The following KIDINS220 variants were observed in gnomAD, a reference collection of about 807,000 sequenced individuals.
KIDINS220 encodes the protein kinase D interacting substrate 220.
A neutral mutation model predicts 157.6 loss-of-function variants in KIDINS220; 63 were observed. The ratio of observed to expected loss-of-function variants is 0.40; its 90% CI spans 0.33 to 0.49. KIDINS220 has a LOEUF of 0.49. KIDINS220 is among the 20% of genes least tolerant of loss of function. The pLI, the probability that KIDINS220 is intolerant of heterozygous loss-of-function variation, is 0.66. For synonymous variants in KIDINS220, 732 were observed against 783.6 expected, an observed-to-expected ratio of 0.93 and a Z score of 1.10; for missense variants, 1,772 against 2,171.2, an observed-to-expected ratio of 0.82 and a Z score of 3.65.
chr2:8,831,682 A>T (rs1679645803), intron 1 of KIDINS220, among the ~76,000 whole-genome samples: 1 of 152,212 alleles, frequency 6.6e-6, no homozygotes, highest in Admixed American at 6.5e-5. Context: ...AAGTTCTTGC[A>T]GCAGGATCTG....
intron 18 of KIDINS220, 111 bp from the exon 19 acceptor site, chr2:8,779,250 A>G: frequency 1.5e-6 from 2 of 1,325,890 alleles, no homozygotes; most frequent in Non-Finnish European, 2.0e-6. Flanking sequence ...CTAAACTACT[A>G]TTTCTTTTCA....
chr2:8,725,583 G>GT (rs1663231385), downstream of KIDINS220: 1 of 152,210 alleles, frequency 6.6e-6, no homozygotes, highest in African/African-American at 2.4e-5. Context: ...GAAGTCAACT[G>GT]TGAGAAGTGA....
intron 4 of KIDINS220, among the ~76,000 whole-genome samples, chr2:8,814,479 G>A (rs1676769046): frequency 6.8e-6 from 1 of 147,642 alleles, no homozygotes; most frequent in Admixed American, 6.8e-5. Context: ...ATGGATGGAT[G>A]GACAGACAGA....
At chr2:8,815,815 C>T (rs527962371) in intron 4 of KIDINS220, among the ~76,000 whole-genome samples, 4 of 152,184 alleles carry the variant, frequency 2.6e-5, no homozygotes, top group Non-Finnish European at 5.9e-5. Flanking sequence ...TTCATGAACT[C>T]TTTCTTCATT....
At chr2:8,778,567 G>A in intron 20 of KIDINS220, 72 bp downstream of exon 20, 1 of 951,702 alleles carries the variant, frequency 1.1e-6, no homozygotes, top group Non-Finnish European at 1.7e-6. Context: ...TATTATTTAA[G>A]TGGCATCATC....
intron 20 of KIDINS220, 87 bp downstream of exon 20, chr2:8,778,552 C>CAT (rs1671278370): frequency 1.1e-6 from 1 of 899,714 alleles, no homozygotes; most frequent in Admixed American, 1.8e-5. Flanking sequence ...GCAATATTTA[C>CAT]AAAGTATTAT....
chr2:8,744,387 A>T lies in KIDINS220; in HGVS notation c.3585+2758T>A, dbSNP rs1666182316. On this transcript the variant is annotated intron_variant, in intron 26 of 29. Coordinates refer to ENST00000256707, the MANE Select transcript of KIDINS220 (RefSeq NM_020738.4). ...GCAAAAAAAAAAAAAAAAAAAAAAA[A>T]AATATATATATATAATATATATATA... 3.1e-3 allele frequency among the ~76,000 whole-genome samples: 87 copies of T among 27,738 alleles called. 4 individuals carry two copies. Among genetic ancestry groups the T allele is most frequent in the Non-Finnish European group, 4.2e-3 (76 of 18,126 alleles). 18.2% of individuals were successfully genotyped at this position (27,738 alleles called of 152,430 possible).
intron 17 of KIDINS220, among the ~76,000 whole-genome samples, chr2:8,781,217 A>C (rs932514819): frequency 1.2e-4 from 18 of 149,188 alleles, no homozygotes; most frequent in Admixed American, 6.7e-4. Flanking sequence ...AAGGAGACAT[A>C]ATAATCCTAA....
chr2:8,749,336 G>C (rs1017948134), intron 24 of KIDINS220: 1 of 448,812 alleles, frequency 2.2e-6, no homozygotes, highest in Admixed American at 2.4e-5. Flanking sequence ...TTAGACTAAA[G>C]AGGGAGATAG....
Position 8,793,990 on chromosome 2 carries a change from G to T in KIDINS220, c.1099-3C>A, listed in dbSNP as rs1487988803. 6.3e-7 allele frequency: 1 copy of T among 1,591,192 alleles called. No homozygotes were observed. The highest frequency in any genetic ancestry group is 1.8e-5 in the Admixed American group (1 of 54,206). ...ATATGCAAGGGAGTATCTCCTTTCT[G>T]TAAAATAATAGTACGAAACTTGAAC... On this transcript the variant is annotated splice_polypyrimidine_tract_variant and splice_region_variant and intron_variant, in intron 11 of 29. Transcript: ENST00000256707.
intron 26 of KIDINS220, among the ~76,000 whole-genome samples, chr2:8,745,992 T>TC (rs1491507338): frequency 1.3e-5 from 2 of 151,520 alleles, no homozygotes; most frequent in African/African-American, 2.4e-5. Flanking sequence ...CAAACTGGGT[T>TC]CTTTTTTTTT....
intron 21 of KIDINS220, among the ~76,000 whole-genome samples, chr2:8,775,296 T>C (rs777139999): frequency 6.6e-6 from 1 of 152,160 alleles, no homozygotes; most frequent in Non-Finnish European, 1.5e-5. Flanking sequence ...CACTGGCATA[T>C]AGATGGCATT....
chr2:8,824,117 C>T (rs1351622576), intron 2 of KIDINS220, among the ~76,000 whole-genome samples: 4 of 151,920 alleles, frequency 2.6e-5, no homozygotes, highest in African/African-American at 7.2e-5. Context: ...AGATAAATAA[C>T]AGTATTATTC....
At chr2:8,827,429 C>A (rs774309691) in intron 1 of KIDINS220, among the ~76,000 whole-genome samples, 5 of 152,166 alleles carry the variant, frequency 3.3e-5, no homozygotes, top group Non-Finnish European at 5.9e-5. Context: ...TGCCAGTAAA[C>A]GGCAGCTCCA....
Position 8,816,227 on chromosome 2 carries a change from A to G in KIDINS220, c.306+1391T>C, listed in dbSNP as rs941966583. On this transcript the variant is annotated intron_variant, in intron 4 of 29. Coordinates refer to ENST00000256707, the MANE Select transcript of KIDINS220 (RefSeq NM_020738.4). ...TTTACAAATCTTAATACATTTTTAC[A>G]CATTCATAACGTATATTTTATTGTT... Among the ~76,000 whole-genome samples the G allele has an allele frequency of 2.0e-5, 3 of 152,236 alleles. 1 individual carries two copies. In the South Asian group the frequency reaches 6.2e-4, roughly 31 times the overall value.
In KIDINS220 at chr2:8,733,487, C is replaced by T; in HGVS notation, c.4010G>A (p.Gly1337Asp). 1 of 1,614,134 alleles carries T rather than the reference C, an allele frequency of 6.2e-7. No individual in the cohort carries two copies. Among genetic ancestry groups the T allele is most frequent in the Non-Finnish European group, 8.5e-7 (1 of 1,180,038 alleles). The change falls in exon 29 of 30, where the codon GGC becomes GAC. Residue 1337 changes from glycine (G) to aspartate (D), a missense_variant. Coordinates refer to ENST00000256707, the MANE Select transcript of KIDINS220 (RefSeq NM_020738.4). The stretch of plus-strand genomic sequence containing the variant: ...GTGACGAGGGGCACCTTCATCCAGG[C>T]CAAGCGTGTTCAGCTCTTCGAAGCT... The part of the protein sequence containing the change: ...NFSFEELNTL[G>D]LDEGAPRHSN...
intron 12 of KIDINS220, 56 bp downstream of exon 12, chr2:8,793,754 T>C (rs1273435697): frequency 6.8e-6 from 10 of 1,471,642 alleles, no homozygotes; most frequent in Middle Eastern, 2.1e-4. Flanking sequence ...TTCCATATTC[T>C]TTAATGGAAC....
chr2:8,789,656 C>T (rs1392392819), intron 14 of KIDINS220, among the ~76,000 whole-genome samples: 2 of 152,064 alleles, frequency 1.3e-5, no homozygotes, highest in Non-Finnish European at 2.9e-5. Context: ...TAGGTTCTTG[C>T]TTCAAGATTA....
chr2:8,726,592 G>A (rs1296667209), downstream of KIDINS220, among the ~76,000 whole-genome samples: 1 of 152,212 alleles, frequency 6.6e-6, no homozygotes, highest in African/African-American at 2.4e-5. Context: ...GGACGATTTT[G>A]TCGTGGGAGC....
Sources: allele counts gnomAD v4.1 joint callset (sites outside exome capture counted in the v4.1 genomes callset), GRCh38; gene constraint gnomAD v4.1.1; transcripts MANE v1.5; gene names NCBI Gene and HGNC (gene_info 2026-07-23, HGNC 2026-07-21).